DLG2: variants seen among roughly 807,000 people sequenced by gnomAD.
The protein encoded by DLG2 is discs large MAGUK scaffold protein 2, also known as disks large homolog 2.
DLG2 carries 45 observed loss-of-function variants against 132.5 expected under a neutral mutation model. The observed-to-expected ratio is 0.34, with a 90% confidence interval of 0.27 to 0.44. DLG2 has a LOEUF of 0.44. DLG2 is among the 20% of genes least tolerant of loss of function. The pLI is 1.00. For synonymous variants in DLG2, 424 were observed against 419.6 expected (o/e 1.01, Z -0.13); for missense variants, 1,045 against 1,196.9 (o/e 0.87, Z 1.87).
At chr11:84,112,522 A>G (rs1409436837) in intron 9 of DLG2, among the ~76,000 whole-genome samples, 1 of 148,868 alleles carries the variant, frequency 6.7e-6, no homozygotes, top group Non-Finnish European at 1.5e-5. Flanking sequence ...TTACTGAACC[A>G]TGAGAATTTT....
intron 3 of DLG2, among the ~76,000 whole-genome samples, chr11:85,548,343 C>T (rs1209018354): frequency 6.6e-6 from 1 of 152,198 alleles, no homozygotes; most frequent in African/African-American, 2.4e-5. Context: ...AGATTGCTGC[C>T]TGTTCCTTGC....
At chr11:84,441,865 T>G (rs550225074) in intron 7 of DLG2, among the ~76,000 whole-genome samples, 28 of 152,348 alleles carry the variant, frequency 1.8e-4, no homozygotes, top group African/African-American at 6.0e-4. Context: ...CACCATTTAT[T>G]AAATAGGGGA....
intron 6 of DLG2, among the ~76,000 whole-genome samples, chr11:84,999,084 C>T (rs898328304): frequency 4.0e-5 from 6 of 151,844 alleles, no homozygotes; most frequent in Non-Finnish European, 7.4e-5. Context: ...ATACCTTGGT[C>T]CCAATTCCAA....
At chr11:84,245,222 C>G (rs1278168420) in intron 8 of DLG2, among the ~76,000 whole-genome samples, 1 of 152,144 alleles carries the variant, frequency 6.6e-6, no homozygotes, top group Admixed American at 6.6e-5. Context: ...CTCATGTGTT[C>G]AGCCTTTTTT....
chr11:84,518,573 C>G (rs1565172349), intron 7 of DLG2, among the ~76,000 whole-genome samples: 1 of 152,084 alleles, frequency 6.6e-6, no homozygotes, highest in Non-Finnish European at 1.5e-5. Context: ...AAGTATGATG[C>G]GTGCCTCGGA....
intron 15 of DLG2, among the ~76,000 whole-genome samples, chr11:83,915,591 T>C (rs2076792535): frequency 6.6e-6 from 1 of 152,182 alleles, no homozygotes; most frequent in Admixed American, 6.6e-5. Context: ...TAACCTTTCA[T>C]AGACAAATTA....
In DLG2 at chr11:83,458,371, C is replaced by T. The variant is rs1355038188; in HGVS notation, c.*1447G>A. On this transcript the variant is annotated 3_prime_UTR_variant, in exon 28 of 28. Transcript: ENST00000376104. ...AAAAATAAACTTGGTCCAGGTGCAG[C>T]TCCAAGAAAGGCAGTTCAGTTGGTT... 6.6e-6 allele frequency: 1 copy of T among 152,558 alleles called. No homozygotes were observed. The highest frequency in any genetic ancestry group is 1.5e-5 in the Non-Finnish European group (1 of 68,048). The allele number at this position is 152,558 out of a possible 1,614,324, so 9.5% of individuals were successfully genotyped here. A position where few individuals can be genotyped will look rare whatever the true frequency, so the allele number is the denominator to read the frequency against.
At chr11:85,093,897 A>G (rs761930864) in intron 6 of DLG2, among the ~76,000 whole-genome samples, 1 of 152,178 alleles carries the variant, frequency 6.6e-6, no homozygotes, top group Non-Finnish European at 1.5e-5. Context: ...CCCCTTATCA[A>G]CTTGGGATCC....
intron 6 of DLG2, among the ~76,000 whole-genome samples, chr11:84,945,811 T>C (rs560199825): frequency 1.4e-4 from 22 of 152,216 alleles, no homozygotes; most frequent in African/African-American, 5.1e-4. Context: ...ATCCAGGATC[T>C]AGGTCATGTG....
At chr11:84,987,043 T>G (rs562423713) in intron 6 of DLG2, among the ~76,000 whole-genome samples, 2,986 of 152,268 alleles carry the variant, frequency 0.02, 53 homozygotes, top group Admixed American at 0.042. Flanking sequence ...CTCCTAGAAC[T>G]GATAAAAGAT....
At chr11:84,879,834 A>C (rs536682845) in intron 6 of DLG2, among the ~76,000 whole-genome samples, 1 of 152,286 alleles carries the variant, frequency 6.6e-6, no homozygotes, top group African/African-American at 2.4e-5. Context: ...AAAGTGTAAA[A>C]GATATCAAGC....
intron 7 of DLG2, among the ~76,000 whole-genome samples, chr11:84,413,453 G>A (rs951723185): frequency 6.6e-6 from 1 of 152,184 alleles, no homozygotes; most frequent in Non-Finnish European, 1.5e-5. Flanking sequence ...GCCTTGAGAG[G>A]TTAAAATACA....
intron 6 of DLG2, among the ~76,000 whole-genome samples, chr11:84,612,495 G>A (rs1052938489): frequency 6.6e-6 from 1 of 152,026 alleles, no homozygotes; most frequent in Non-Finnish European, 1.5e-5. Context: ...GTTCATGATG[G>A]CTAGCAATGT....
At chr11:84,177,869 G>A (rs1248029796) in intron 8 of DLG2, among the ~76,000 whole-genome samples, 1 of 152,080 alleles carries the variant, frequency 6.6e-6, no homozygotes, top group Non-Finnish European at 1.5e-5. Context: ...TATTATTACA[G>A]ACTGGTGGAA....
intron 6 of DLG2, among the ~76,000 whole-genome samples, chr11:84,853,442 G>A (rs2082388284): frequency 6.6e-6 from 1 of 151,984 alleles, no homozygotes; most frequent in Non-Finnish European, 1.5e-5. Flanking sequence ...TTTCTTATTT[G>A]TCTTGTTCAA....
chr11:85,292,862 G>T (rs1214963825), intron 3 of DLG2, among the ~76,000 whole-genome samples: 1 of 151,988 alleles, frequency 6.6e-6, no homozygotes, highest in Admixed American at 6.6e-5. Context: ...GCTTTTTGGA[G>T]AAAGGGCTCA....
chr11:84,645,795 T>C (rs2099674171), intron 6 of DLG2, among the ~76,000 whole-genome samples: 1 of 152,182 alleles, frequency 6.6e-6, no homozygotes, highest in Non-Finnish European at 1.5e-5. Context: ...TGTTTTTGCA[T>C]AGAGTGGCTA....
At chr11:84,378,845 T>A (rs60479766) in intron 7 of DLG2, among the ~76,000 whole-genome samples, 1 of 120,582 alleles carries the variant, frequency 8.3e-6, no homozygotes, top group East Asian at 2.0e-4. Context: ...CTCAGGAGGC[T>A]GAGGAAGAAA....
chr11:84,637,899 T>TAA (rs1565522278), intron 6 of DLG2, among the ~76,000 whole-genome samples: 1 of 152,188 alleles, frequency 6.6e-6, no homozygotes, highest in Non-Finnish European at 1.5e-5. Context: ...TTGTGAGGCT[T>TAA]AAAAAAAGTT....
Sources: allele counts gnomAD v4.1 joint callset (sites outside exome capture counted in the v4.1 genomes callset), GRCh38; gene constraint gnomAD v4.1.1; transcripts MANE v1.5; gene names NCBI Gene and HGNC (gene_info 2026-07-23, HGNC 2026-07-21).